The following CCDC40 variants were observed in gnomAD, a reference collection of about 807,000 sequenced individuals.
CCDC40 encodes coiled-coil domain-containing protein 40.
A neutral mutation model predicts 124.5 loss-of-function variants in CCDC40; 104 were observed. That is an observed-to-expected ratio of 0.84 (90% CI 0.71 to 0.98). CCDC40 has a LOEUF of 0.98. Among genes scored for constraint, CCDC40 ranks in the 50% least tolerant of loss-of-function variants. The pLI is 0.00. For missense variants in CCDC40, 1,463 were observed against 1,503.9 expected, an observed-to-expected ratio of 0.97 and a Z score of 0.45; for synonymous variants, 580 against 602.9, an observed-to-expected ratio of 0.96 and a Z score of 0.56.
intron 10 of CCDC40, among the ~76,000 whole-genome samples, chr17:80,078,600 C>G (rs573702848): frequency 3.3e-5 from 5 of 152,138 alleles, no homozygotes; most frequent in South Asian, 4.1e-4. Flanking sequence ...GTGTGTGTGT[C>G]TGTTTCCAGA....
chr17:80,041,170 G>A (rs2037270882), intron 3 of CCDC40, among the ~76,000 whole-genome samples: 1 of 152,116 alleles, frequency 6.6e-6, no homozygotes, highest in African/African-American at 2.4e-5. Context: ...GCCTTCGAAC[G>A]CTTCTGTATG....
chr17:80,041,470 T>A (rs2037280947), intron 3 of CCDC40, among the ~76,000 whole-genome samples: 1 of 151,308 alleles, frequency 6.6e-6, no homozygotes, highest in African/African-American at 2.4e-5. Context: ...ATCGCACCCC[T>A]GTACTCCTGC....
intron 10 of CCDC40, among the ~76,000 whole-genome samples, chr17:80,078,069 T>C (rs536340780): frequency 3.2e-4 from 49 of 152,306 alleles, no homozygotes; most frequent in East Asian, 9.6e-4. Context: ...GTGTGGCTCA[T>C]GCCTCTAATC....
At chr17:80,056,001 TATATATATATATA>T (rs2037731053) in intron 7 of CCDC40, among the ~76,000 whole-genome samples, 10 of 19,516 alleles carry the variant, frequency 5.1e-4, no homozygotes, top group Non-Finnish European at 9.5e-4. Flanking sequence ...TATATATATA[TATATATATATATA>T]TATTTTTTTT....
chr17:80,088,933 T>C (rs963023714), intron 16 of CCDC40, among the ~76,000 whole-genome samples: 3 of 152,220 alleles, frequency 2.0e-5, no homozygotes, highest in Non-Finnish European at 2.9e-5. Flanking sequence ...TGCTAGAAAT[T>C]GAAGGGTTTC....
chr17:80,038,231 G>C, intron 2 of CCDC40, 45 bp downstream of exon 2: 1 of 1,288,746 alleles, frequency 7.8e-7, no homozygotes, highest in East Asian at 2.3e-5. Context: ...TATTTACTAG[G>C]AATTAAAGAG....
chr17:80,096,351 C>G (rs1239078597), intron 18 of CCDC40, among the ~76,000 whole-genome samples: 4 of 152,202 alleles, frequency 2.6e-5, no homozygotes, highest in Non-Finnish European at 4.4e-5. Flanking sequence ...TGAAGTCATC[C>G]CTGTAGGGAA....
intron 13 of CCDC40, among the ~76,000 whole-genome samples, chr17:80,085,351 A>G (rs1335342083): frequency 6.6e-6 from 1 of 152,242 alleles, no homozygotes; most frequent in Non-Finnish European, 1.5e-5. Flanking sequence ...CCAGCACGAA[A>G]TATTCTGCTG....
intron 9 of CCDC40, among the ~76,000 whole-genome samples, chr17:80,063,935 A>G (rs1166205783): frequency 3.3e-5 from 5 of 152,214 alleles, no homozygotes; most frequent in Admixed American, 2.6e-4. Flanking sequence ...CACATTGTAC[A>G]TGTGTCGAAA....
At position 80,088,177 on chromosome 17, in the gene CCDC40, TGTAGGAG is replaced by T. The variant is rs1203848107; in HGVS notation, c.2711+77_2711+83del. On this transcript the variant is annotated intron_variant, in intron 16 of 19. Coordinates refer to ENST00000397545, the MANE Select transcript of CCDC40 (RefSeq NM_017950.4). ...ACAGGCCTCTGTCCGTTGAAGACCA[TGTAGGAG>T]GCCAGGTGTGGCAGCTCACACCCAT... 51 of 1,006,896 alleles carry T rather than the reference TGTAGGAG, an allele frequency of 5.1e-5. No individual in the cohort carries two copies. In the African/African-American group the frequency reaches 7.0e-4, roughly 14 times the overall value. The allele number at this position is 1,006,896 out of a possible 1,614,324, so 62.4% of individuals were successfully genotyped here. A position where few individuals can be genotyped will look rare whatever the true frequency, so the allele number is the denominator to read the frequency against.
chr17:80,069,483 C>A (rs1012183667), intron 10 of CCDC40, among the ~76,000 whole-genome samples: 1 of 152,194 alleles, frequency 6.6e-6, no homozygotes, highest in South Asian at 2.1e-4. Flanking sequence ...CGGTGGCTCA[C>A]GCCTGTAATC....
Position 80,050,280 on chromosome 17 carries a change from A to G in CCDC40, c.1156A>G (p.Lys386Glu). 6.4e-7 allele frequency: 1 copy of G among 1,558,160 alleles called. No homozygotes were observed. Among genetic ancestry groups the G allele is most frequent in the Non-Finnish European group, 8.7e-7 (1 of 1,152,290 alleles). Reference protein sequence around the residue: ...TCAAANEERKKLAALQTEMEN... With the variant: ...TCAAANEERKELAALQTEMEN... ...CGCAGCCGCCAACGAGGAGCGCAAA[A>G]AGTGTAAGGCAACCCGGCAGCCCCA... is the stretch of plus-strand genomic sequence containing the variant. Residue 386 changes from lysine to glutamate, a missense_variant, in exon 7 of 20, where the codon AAG becomes GAG. Coordinates refer to ENST00000397545, the MANE Select transcript of CCDC40 (RefSeq NM_017950.4).
At chr17:80,080,424 T>TC (rs1468382204) in intron 10 of CCDC40, among the ~76,000 whole-genome samples, 4 of 152,192 alleles carry the variant, frequency 2.6e-5, no homozygotes, top group Admixed American at 2.6e-4. Context: ...GTATTTTAGA[T>TC]CTGATTATCC....
In CCDC40 at chr17:80,100,108, C is replaced by G. The variant is rs1188652997; in HGVS notation, c.*333C>G. 1 of 373,028 alleles carries G rather than the reference C, an allele frequency of 2.7e-6. No homozygotes were observed. Among genetic ancestry groups the G allele is most frequent in the East Asian group, 6.6e-5 (1 of 15,218 alleles). The allele number at this position is 373,028 out of a possible 1,614,324, so 23.1% of individuals were successfully genotyped here. On this transcript the variant is annotated 3_prime_UTR_variant, in exon 20 of 20. Transcript: ENST00000397545. ...CTCCCAAATCTGCACGTGCCTCTCACAACACAACGCTGCCACAGGTCCACA... is the reference window on the plus strand; with the variant it reads ...CTCCCAAATCTGCACGTGCCTCTCAGAACACAACGCTGCCACAGGTCCACA...
At chr17:80,068,017 G>T in intron 10 of CCDC40, 1 of 1,032,740 alleles carries the variant, frequency 9.7e-7, no homozygotes, top group Non-Finnish European at 1.2e-6. Context: ...GAGGAGTGAG[G>T]CCCAACTTTT....
chr17:80,095,398 G>A lies in CCDC40; in HGVS notation c.2968G>A (p.Asp990Asn), dbSNP rs200958035. The A allele has an allele frequency of 6.8e-4, 1,097 of 1,614,132 alleles. 5 individuals carry two copies. The highest frequency in any genetic ancestry group is 4.3e-3 in the East Asian group (194 of 44,888). Residue 990 changes from aspartate to asparagine, a missense_variant, in exon 18 of 20, where the codon GAC becomes AAC. Transcript: ENST00000397545. ...KMDRKALTRT[D>N]FHHKQLELRR... ...GGACAGGAAGGCGCTCACCCGCACCGACTTCCACCACAAGCAGCTTGAGCT... is the reference window on the plus strand; with the variant it reads ...GGACAGGAAGGCGCTCACCCGCACCAACTTCCACCACAAGCAGCTTGAGCT...
chr17:80,068,358 A>G (rs1180648216), intron 10 of CCDC40, among the ~76,000 whole-genome samples: 1 of 152,196 alleles, frequency 6.6e-6, no homozygotes, highest in Non-Finnish European at 1.5e-5. Flanking sequence ...CAGGCCGTGT[A>G]GAACATTGTG....
chr17:80,042,239 C>T (rs1474479463), intron 3 of CCDC40, among the ~76,000 whole-genome samples: 1 of 152,160 alleles, frequency 6.6e-6, no homozygotes, highest in East Asian at 1.9e-4. Context: ...CTGCCTCAGC[C>T]TCCCAAGTAG....
At chr17:80,068,408 C>G (rs1289002990) in intron 10 of CCDC40, among the ~76,000 whole-genome samples, 1 of 152,122 alleles carries the variant, frequency 6.6e-6, no homozygotes, top group Non-Finnish European at 1.5e-5. Flanking sequence ...GCTGTTTGCA[C>G]CCAGATAGAT....
Sources: gnomAD v4.1 joint callset for allele counts (sites outside exome capture counted in the v4.1 genomes callset) on GRCh38, gnomAD v4.1.1 for gene constraint, MANE v1.5 for transcripts, NCBI Gene and HGNC (gene_info 2026-07-23, HGNC 2026-07-21) for gene names.